Variants in PARD6G observed in about 807,000 individuals in gnomAD.
PARD6G encodes the protein partitioning defective 6 homolog gamma.
Under a neutral mutation model 10.7 loss-of-function variants are expected in PARD6G, and 7 were observed. The observed-to-expected ratio is 0.66, with a 90% CI of 0.37 to 1.23. The LOEUF (loss-of-function observed/expected upper bound fraction) is 1.23. Ranked by LOEUF, PARD6G falls within the 50% of genes most tolerant of loss-of-function variation. The pLI is 0.02. For synonymous variants in PARD6G, 287 were observed against 269.4 expected, an observed-to-expected ratio of 1.07 and a Z score of -0.64; for missense variants, 548 against 571.8, an observed-to-expected ratio of 0.96 and a Z score of 0.42.
chr18:80,204,686 C>T (rs534656208), intron 1 of PARD6G, among the ~76,000 whole-genome samples: 36 of 152,016 alleles, frequency 2.4e-4, no homozygotes, highest in Admixed American at 1.8e-3. Flanking sequence ...TGGTGGCTCA[C>T]GCCTGTAATC....
intron 1 of PARD6G, among the ~76,000 whole-genome samples, chr18:80,236,592 T>C (rs1967425551): frequency 6.6e-6 from 1 of 152,160 alleles, no homozygotes; most frequent in Non-Finnish European, 1.5e-5. Context: ...TGATTGTATA[T>C]CTAGAAAACC....
At position 80,182,990 on chromosome 18, in the gene PARD6G, G is replaced by A. The variant is rs2052855631; in HGVS notation, c.295+19720C>T. 6.0e-6 allele frequency: 4 copies of A among 661,212 alleles called. No individual in the cohort carries two copies. The highest frequency in any genetic ancestry group is 1.1e-5 in the Non-Finnish European group (4 of 363,070). 41.0% of individuals were successfully genotyped at this position (661,212 alleles called of 1,614,324 possible). A position where few individuals can be genotyped will look rare whatever the true frequency, so the allele number is the denominator to read the frequency against. On this transcript the variant is annotated intron_variant, in intron 2 of 2. Coordinates refer to ENST00000353265, the MANE Select transcript of PARD6G (RefSeq NM_032510.4). The surrounding 1 kb of genome is among the most constrained non-coding windows in gnomAD (Gnocchi z 4.5). The stretch of plus-strand genomic sequence containing the variant: ...CCCAGTCCTCCTTCGTCCTGACGTG[G>A]CTCCCAGTGGAATGAGATGGCTGGG...
At chr18:80,243,716 G>T (rs868701115) in intron 1 of PARD6G, among the ~76,000 whole-genome samples, 1 of 152,176 alleles carries the variant, frequency 6.6e-6, no homozygotes, top group Admixed American at 6.5e-5. Flanking sequence ...GAGAAAGTTT[G>T]TTCTGGCACA....
chr18:80,213,228 G>A (rs1424609144), intron 1 of PARD6G, among the ~76,000 whole-genome samples: 2 of 152,170 alleles, frequency 1.3e-5, no homozygotes, highest in Non-Finnish European at 2.9e-5. Flanking sequence ...ACGAAAAAAA[G>A]AAATCCTGGG....
chr18:80,246,622 C>T lies in PARD6G; in HGVS notation c.72+655G>A, dbSNP rs1211421693. ...GAGGTGGGGGAGTCTGGGGTGGGGGCGCGCCCGTGGGGGTGGGGTGGGGTG... is the reference window on the plus strand; with the variant it reads ...GAGGTGGGGGAGTCTGGGGTGGGGGTGCGCCCGTGGGGGTGGGGTGGGGTG... On this transcript the variant is annotated intron_variant, in intron 1 of 2. Transcript: ENST00000353265. The surrounding 1 kb of genome is among the most constrained non-coding windows in gnomAD (Gnocchi z 6.7). Among the ~76,000 whole-genome samples, 1 of 93,038 alleles carries T rather than the reference C, an allele frequency of 1.1e-5. No individual in the cohort carries two copies. Among genetic ancestry groups the T allele is most frequent in the Non-Finnish European group, 2.2e-5 (1 of 45,570 alleles). The allele number at this position is 93,038 out of a possible 152,430, so 61.0% of individuals were successfully genotyped here.
At chr18:80,206,633 A>G (rs1012465400) in intron 1 of PARD6G, among the ~76,000 whole-genome samples, 1 of 152,256 alleles carries the variant, frequency 6.6e-6, no homozygotes, top group African/African-American at 2.4e-5. Flanking sequence ...GAGAGTTCAA[A>G]GAACTGAGCT....
chr18:80,237,211 T>C (rs1281083722), intron 1 of PARD6G, among the ~76,000 whole-genome samples: 1 of 152,088 alleles, frequency 6.6e-6, no homozygotes, highest in Admixed American at 6.6e-5. Context: ...TCTACAACTA[T>C]CTGATCTTTG....
In PARD6G at chr18:80,164,696, G is replaced by A. The variant is rs181497639; in HGVS notation, c.296-4090C>T. ...TTCTATTTTCCATAAATGTCAGCCA[G>A]CTGAGCAAGAGAAAGAGTACAAAGA... On this transcript the variant is annotated intron_variant, in intron 2 of 2. Coordinates refer to ENST00000353265, the MANE Select transcript of PARD6G (RefSeq NM_032510.4). 4.6e-5 allele frequency among the ~76,000 whole-genome samples: 7 copies of A among 152,342 alleles called. No homozygotes were observed. In the East Asian group the frequency reaches 1.3e-3, roughly 29 times the overall value.
chr18:80,231,640 T>C lies in PARD6G; in HGVS notation c.72+15637A>G, dbSNP rs1159574051. Among the ~76,000 whole-genome samples the C allele has an allele frequency of 6.6e-6, 1 of 152,148 alleles. No individual in the cohort carries two copies. The highest frequency in any genetic ancestry group is 1.5e-5 in the Non-Finnish European group (1 of 68,034). On this transcript the variant is annotated intron_variant, in intron 1 of 2. Coordinates refer to ENST00000353265, the MANE Select transcript of PARD6G (RefSeq NM_032510.4). The surrounding 1 kb of genome is among the most constrained non-coding windows in gnomAD (Gnocchi z 4.2). ...CTCCTTCATAAAATAGATAAAAACA[T>C]TCATCCCAGGGTTGTGGTGAGACTC...
At chr18:80,187,262 C>T (rs1003751956) in intron 2 of PARD6G, among the ~76,000 whole-genome samples, 1 of 152,124 alleles carries the variant, frequency 6.6e-6, no homozygotes, top group South Asian at 2.1e-4. Flanking sequence ...GGATGGCACG[C>T]GTGGGTGGGT....
At chr18:80,172,008 G>A (rs547147178) in intron 2 of PARD6G, among the ~76,000 whole-genome samples, 32 of 152,308 alleles carry the variant, frequency 2.1e-4, no homozygotes, top group South Asian at 1.5e-3. Flanking sequence ...TTCCAGAGAC[G>A]CAGAACCAAG....
At chr18:80,168,118 G>A (rs1030144279) in intron 2 of PARD6G, among the ~76,000 whole-genome samples, 1 of 152,112 alleles carries the variant, frequency 6.6e-6, no homozygotes, top group Non-Finnish European at 1.5e-5. Flanking sequence ...AGCATCCAAG[G>A]GCCCAGGGTG....
intron 1 of PARD6G, among the ~76,000 whole-genome samples, chr18:80,227,365 A>ATGAGAAATG (rs1315880269): frequency 1.3e-5 from 2 of 152,224 alleles, no homozygotes; most frequent in Non-Finnish European, 2.9e-5. Context: ...AATGTGTTCC[A>ATGAGAAATG]TGTCCCTTAT....
chr18:80,160,664 G>A, intron 2 of PARD6G, 58 bp from the exon 3 acceptor site: 1 of 1,427,490 alleles, frequency 7.0e-7, no homozygotes, highest in Non-Finnish European at 9.1e-7. Flanking sequence ...TGAGCCCTCG[G>A]CCGTCATACA....
At chr18:80,177,429 GCA>G (rs1555734862) in intron 2 of PARD6G, among the ~76,000 whole-genome samples, 29 of 128,542 alleles carry the variant, frequency 2.3e-4, no homozygotes, top group East Asian at 1.2e-3. Flanking sequence ...ACGCAAACAC[GCA>G]CACACAGGAT....
chr18:80,239,613 C>T (rs1019325397), intron 1 of PARD6G, among the ~76,000 whole-genome samples: 2 of 152,252 alleles, frequency 1.3e-5, no homozygotes, highest in Non-Finnish European at 2.9e-5. Flanking sequence ...AGCTGCTGAG[C>T]TGGCAACAAG....
intron 1 of PARD6G, among the ~76,000 whole-genome samples, chr18:80,244,723 G>T (rs1967525156): frequency 6.6e-6 from 1 of 152,190 alleles, no homozygotes; most frequent in Non-Finnish European, 1.5e-5. Flanking sequence ...AACCCAGGCT[G>T]GACTCAGCTC....
Position 80,159,587 on chromosome 18 carries a change from A to T in PARD6G, c.*184T>A. On this transcript the variant is annotated 3_prime_UTR_variant, in exon 3 of 3. Coordinates refer to ENST00000353265, the MANE Select transcript of PARD6G (RefSeq NM_032510.4). Reference sequence around the variant, plus strand: ...AGTGTCTCTACAGGCGTTCATTTTAAGTTCTGTGGCGAAATTCTATAAAAA... The same window carrying T: ...AGTGTCTCTACAGGCGTTCATTTTATGTTCTGTGGCGAAATTCTATAAAAA... The T allele has an allele frequency of 3.9e-6, 4 of 1,022,232 alleles. No homozygotes were observed. Among genetic ancestry groups the T allele is most frequent in the Non-Finnish European group, 3.8e-6 (3 of 782,704 alleles). 63.3% of individuals were successfully genotyped at this position (1,022,232 alleles called of 1,614,324 possible). A position where few individuals can be genotyped will look rare whatever the true frequency, so the allele number is the denominator to read the frequency against.
Position 80,200,820 on chromosome 18 carries a change from C to T in PARD6G, c.295+1890G>A, listed in dbSNP as rs1967000870. ...CATGGGCAACACACAAGCCCACTTTCTGGTCCCAGCCCAGCTTTGATGCAT... is the reference window on the plus strand; with the variant it reads ...CATGGGCAACACACAAGCCCACTTTTTGGTCCCAGCCCAGCTTTGATGCAT... On this transcript the variant is annotated intron_variant, in intron 2 of 2. Coordinates refer to ENST00000353265, the MANE Select transcript of PARD6G (RefSeq NM_032510.4). The surrounding 1 kb of genome is among the most constrained non-coding windows in gnomAD (Gnocchi z 4.4). Among the ~76,000 whole-genome samples the T allele has an allele frequency of 6.6e-6, 1 of 152,250 alleles. No individual in the cohort carries two copies. Among genetic ancestry groups the T allele is most frequent in the African/African-American group, 2.4e-5 (1 of 41,464 alleles).
Sources: gnomAD v4.1 joint callset for allele counts (sites outside exome capture counted in the v4.1 genomes callset) on GRCh38, gnomAD v4.1.1 for gene constraint, Gnocchi (gnomAD v3.1) non-coding constraint, MANE v1.5 for transcripts, NCBI Gene and HGNC (gene_info 2026-07-23, HGNC 2026-07-21) for gene names.